EBF3: variants seen among roughly 807,000 people sequenced by gnomAD.
EBF3 encodes transcription factor COE3.
EBF3 carries 18 observed loss-of-function variants against 77.1 expected under a neutral mutation model. That is an observed-to-expected ratio of 0.23 (90% CI 0.16 to 0.35). The LOEUF is 0.35. Among genes scored for constraint, EBF3 ranks in the 10% least tolerant of loss-of-function variants. The pLI is 1.00. For missense variants in EBF3, 558 were observed against 860.0 expected (o/e 0.65, Z 4.39); for synonymous variants, 350 against 343.5 (o/e 1.02, Z -0.21).
At chr10:129,919,264 T>C (rs1357450831) in intron 6 of EBF3, among the ~76,000 whole-genome samples, 2 of 152,004 alleles carry the variant, frequency 1.3e-5, no homozygotes, top group African/African-American at 4.8e-5. Flanking sequence ...AGCCTGGAAG[T>C]TGGGGTTCCA....
chr10:129,867,930 A>T lies in EBF3; in HGVS notation c.782-18T>A, dbSNP rs1260503682. 1 of 1,613,168 alleles carries T rather than the reference A, an allele frequency of 6.2e-7. No homozygotes were observed. Among genetic ancestry groups the T allele is most frequent in the Non-Finnish European group, 8.5e-7 (1 of 1,179,434 alleles). On this transcript the variant is annotated intron_variant, in intron 8 of 16. Transcript: ENST00000440978. ...CGGAGTGGCTGCTCACACAAGACAG[A>T]GAAGGCAGACCTTAGAGCCCCGTCC...
chr10:129,877,716 T>C (rs372491687), intron 7 of EBF3, 52 bp downstream of exon 7: 23 of 1,502,440 alleles, frequency 1.5e-5, no homozygotes, highest in Non-Finnish European at 2.0e-5. Context: ...AGAATTCAAA[T>C]TTGGTATGAA....
chr10:129,879,593 C>T lies in EBF3; in HGVS notation c.555-1744G>A, dbSNP rs1853051001. 6.6e-6 allele frequency among the ~76,000 whole-genome samples: 1 copy of T among 151,794 alleles called. No individual in the cohort carries two copies. The highest frequency in any genetic ancestry group is 1.5e-5 in the Non-Finnish European group (1 of 67,934). On this transcript the variant is annotated intron_variant, in intron 6 of 16. Coordinates refer to ENST00000440978, the MANE Select transcript of EBF3 (RefSeq NM_001375380.1). This position sits in a 1 kb window ranked among gnomAD's most constrained non-coding sequence, Gnocchi z 4.7. Reference sequence around the variant, plus strand: ...TTTTCCTGCATACCATGAGGCCTCACCATTTTAGGCCAGAATTTACATCTT... The same window carrying T: ...TTTTCCTGCATACCATGAGGCCTCATCATTTTAGGCCAGAATTTACATCTT...
chr10:129,883,003 T>C (rs1842389222), intron 6 of EBF3, among the ~76,000 whole-genome samples: 1 of 152,218 alleles, frequency 6.6e-6, no homozygotes, highest in South Asian at 2.1e-4. Flanking sequence ...CGCACCCTGG[T>C]GATTGAAGAG....
In EBF3 at chr10:129,963,952, C is replaced by A; in HGVS notation, c.-184G>T. ...GACATACACCAGCGGCCGGGCGCTCCGGACGGCCAGGGGCGCGGAGGCGGC... is the reference window on the plus strand; with the variant it reads ...GACATACACCAGCGGCCGGGCGCTCAGGACGGCCAGGGGCGCGGAGGCGGC... On this transcript the variant is annotated 5_prime_UTR_variant, in exon 1 of 17. Coordinates refer to ENST00000440978, the MANE Select transcript of EBF3 (RefSeq NM_001375380.1). The surrounding 1 kb of genome is among the most constrained non-coding windows in gnomAD (Gnocchi z 7.1). 9.6e-7 allele frequency: 1 copy of A among 1,040,362 alleles called. No individual in the cohort carries two copies. The highest frequency in any genetic ancestry group is 1.2e-6 in the Non-Finnish European group (1 of 867,744). The allele number at this position is 1,040,362 out of a possible 1,614,324, so 64.4% of individuals were successfully genotyped here.
At chr10:129,840,530 G>C in intron 14 of EBF3, 88 bp from the exon 15 acceptor site, 1 of 1,428,408 alleles carries the variant, frequency 7.0e-7, no homozygotes, top group South Asian at 1.3e-5. Flanking sequence ...CGGACGGGGG[G>C]GCAGGGGCAC....
intron 6 of EBF3, among the ~76,000 whole-genome samples, chr10:129,915,206 G>A (rs1190224604): frequency 6.6e-6 from 1 of 152,098 alleles, no homozygotes; most frequent in African/African-American, 2.4e-5. Flanking sequence ...CTGCAATGGG[G>A]CGCTGGGAAC....
At chr10:129,838,041 C>T in intron 16 of EBF3, 81 bp from the exon 17 acceptor site, 3 of 1,556,214 alleles carry the variant, frequency 1.9e-6, no homozygotes, top group Non-Finnish European at 2.6e-6. Flanking sequence ...CGGGGCTGCC[C>T]TTCCCCCCTA....
chr10:129,941,884 G>A (rs1857769759), intron 6 of EBF3, among the ~76,000 whole-genome samples: 1 of 151,376 alleles, frequency 6.6e-6, no homozygotes, highest in Non-Finnish European at 1.5e-5. Context: ...GGTCATCCCA[G>A]GGCCAGGTGC....
At chr10:129,927,520 C>A (rs1277336641) in intron 6 of EBF3, among the ~76,000 whole-genome samples, 1 of 152,176 alleles carries the variant, frequency 6.6e-6, no homozygotes, top group Non-Finnish European at 1.5e-5. Context: ...GAGACTCCAA[C>A]AGCGCCTGCA....
rs1329545391 is a variant in EBF3, at chr10:129,848,240, C to T, written c.1128+152G>A. On this transcript the variant is annotated intron_variant, in intron 11 of 16. Coordinates refer to ENST00000440978, the MANE Select transcript of EBF3 (RefSeq NM_001375380.1). This position sits in a 1 kb window ranked among gnomAD's most constrained non-coding sequence, Gnocchi z 4.4. ...CTCTGAAGCTGGTCAGGTGCGGGCC[C>T]GGGCAGCTCCTCACACCTGTCGGCC... 3.8e-6 allele frequency: 3 copies of T among 782,348 alleles called. No individual in the cohort carries two copies. The highest frequency in any genetic ancestry group is 5.1e-5 in the East Asian group (2 of 38,882). The allele number at this position is 782,348 out of a possible 1,614,324, so 48.5% of individuals were successfully genotyped here. A position where few individuals can be genotyped will look rare whatever the true frequency, so the allele number is the denominator to read the frequency against.
Position 129,931,931 on chromosome 10 carries a change from G to A in EBF3, c.554+25327C>T, listed in dbSNP as rs375205090. ...TCCATACACACTCCTGGCCCAAGAT[G>A]TGCAGATGTTTTCAGAGGTGACCAA... On this transcript the variant is annotated intron_variant, in intron 6 of 16. Coordinates refer to ENST00000440978, the MANE Select transcript of EBF3 (RefSeq NM_001375380.1). Among the ~76,000 whole-genome samples, 14 of 152,252 alleles carry A rather than the reference G, an allele frequency of 9.2e-5. No homozygotes were observed. In the South Asian group the frequency reaches 2.9e-3, roughly 32 times the overall value.
chr10:129,915,596 G>A (rs1855833622), intron 6 of EBF3, among the ~76,000 whole-genome samples: 1 of 152,132 alleles, frequency 6.6e-6, no homozygotes, highest in Non-Finnish European at 1.5e-5. Flanking sequence ...ACGAGCGACA[G>A]CCCAGACATC....
chr10:129,875,187 C>CTTCTTTTTTTTTTTTTTTTTTTTTT (rs1852672323), intron 7 of EBF3, among the ~76,000 whole-genome samples: 3 of 92,932 alleles, frequency 3.2e-5, no homozygotes, highest in African/African-American at 1.2e-4. Context: ...ATGGCTTCTT[C>CTTCTTTTTTTTTTTTTTTTTTTTTT]TTTTTTTTTT....
chr10:129,957,387 TA>T, intron 5 of EBF3, 61 bp from the exon 6 acceptor site: 2 of 1,338,946 alleles, frequency 1.5e-6, no homozygotes, highest in Non-Finnish European at 1.0e-6. Flanking sequence ...GCCCGACTTG[TA>T]TTTTTTTTTT....
At chr10:129,917,569 A>C (rs180903460) in intron 6 of EBF3, among the ~76,000 whole-genome samples, 5 of 137,818 alleles carry the variant, frequency 3.6e-5, no homozygotes, top group Admixed American at 2.5e-4. Flanking sequence ...TGAAGCCAGG[A>C]GTTTGAGGCT....
Position 129,963,200 on chromosome 10 carries a change from A to T in EBF3, c.291+167T>A. 8.5e-7 allele frequency: 1 copy of T among 1,178,528 alleles called. No homozygotes were observed. The highest frequency in any genetic ancestry group is 1.2e-6 in the Non-Finnish European group (1 of 863,500). 73.0% of individuals were successfully genotyped at this position (1,178,528 alleles called of 1,614,324 possible). On this transcript the variant is annotated intron_variant, in intron 2 of 16. Transcript: ENST00000440978. This position sits in a 1 kb window ranked among gnomAD's most constrained non-coding sequence, Gnocchi z 7.1. The stretch of plus-strand genomic sequence containing the variant: ...CCCGAGTAAGTCCGAGGGCGCAGAG[A>T]AGTTGCCCAGCCCTCGGCGGTCCCG...
chr10:129,847,797 G>C (rs138204006), intron 11 of EBF3, among the ~76,000 whole-genome samples: 1 of 152,328 alleles, frequency 6.6e-6, no homozygotes, highest in East Asian at 1.9e-4. Context: ...GAATTTCTGT[G>C]ATATGTGGCG....
At chr10:129,853,209 C>A (rs1398597020) in intron 10 of EBF3, among the ~76,000 whole-genome samples, 1 of 152,174 alleles carries the variant, frequency 6.6e-6, no homozygotes, top group Non-Finnish European at 1.5e-5. Flanking sequence ...GGGGAACTCG[C>A]AGGTAGGAAG....
Sources: allele counts gnomAD v4.1 joint callset (sites outside exome capture counted in the v4.1 genomes callset), GRCh38; gene constraint gnomAD v4.1.1; non-coding constraint Gnocchi (gnomAD v3.1); transcripts MANE v1.5; gene names NCBI Gene and HGNC (gene_info 2026-07-23, HGNC 2026-07-21).